BDNF: variants seen among roughly 807,000 people sequenced by gnomAD.
The protein encoded by BDNF is brain derived neurotrophic factor.
In BDNF, 1 loss-of-function variant was observed where a neutral mutation model predicts 19.5. The observed-to-expected ratio is 0.05, with a 90% CI of 0.02 to 0.24. BDNF has a LOEUF of 0.24. BDNF is among the 10% of genes least tolerant of loss of function. The pLI is 1.00. For missense variants in BDNF, 195 were observed against 317.6 expected, an observed-to-expected ratio of 0.61 and a Z score of 2.93; for synonymous variants, 100 against 121.6, an observed-to-expected ratio of 0.82 and a Z score of 1.17.
chr11:27,657,844 A>T lies in BDNF; in HGVS notation c.721T>A (p.Leu241Met). 5.0e-6 allele frequency: 8 copies of T among 1,614,154 alleles called. No individual in the cohort carries two copies. The highest frequency in any genetic ancestry group is 6.8e-6 in the Non-Finnish European group (8 of 1,179,978). The change falls in exon 2 of 2, where the codon TTG (leucine) becomes ATG (methionine). Residue 241 changes from leucine to methionine, a missense_variant. By Grantham distance (15) the Leu-to-Met change is conservative. Coordinates refer to ENST00000356660, the MANE Select transcript of BDNF (RefSeq NM_001709.5). This position sits in a 1 kb window ranked among gnomAD's most constrained non-coding sequence, Gnocchi z 5.0. ...CACTATCTTCCCCTTTTAATGGTCA[A>T]TGTACATACACAAGAAGTGTCTATC... The part of the protein sequence containing the change: ...IRIDTSCVCT[L>M]TIKRGR
In BDNF at chr11:27,700,421, G is replaced by GGCGGCA. The variant is rs1260549755; in HGVS notation, c.-285_-280dup. ...GCGGGCGGGTGCGCCCGGGCGCGGC[G>GGCGGCA]GCGGCAGCGTCGGGGACCCGGAGCT... On this transcript the variant is annotated 5_prime_UTR_variant, in exon 1 of 2. Transcript: ENST00000356660. 4.2e-5 allele frequency: 41 copies of GGCGGCA among 985,486 alleles called. No homozygotes were observed. The highest frequency in any genetic ancestry group is 1.0e-3 in the Middle Eastern group (2 of 1,936). The allele number at this position is 985,486 out of a possible 1,614,324, so 61.0% of individuals were successfully genotyped here. A position where few individuals can be genotyped will look rare whatever the true frequency, so the allele number is the denominator to read the frequency against.
At chr11:27,694,224 CA>C (rs1277989363) in intron 1 of BDNF, among the ~76,000 whole-genome samples, 1 of 152,150 alleles carries the variant, frequency 6.6e-6, no homozygotes, top group Non-Finnish European at 1.5e-5. Flanking sequence ...TCAACTTTAA[CA>C]TTTCATATAT....
In BDNF at chr11:27,655,575, C is replaced by G. The variant is rs1220900077; in HGVS notation, c.*2246G>C. 1 of 152,234 alleles carries G rather than the reference C, an allele frequency of 6.6e-6. No individual in the cohort carries two copies. Among genetic ancestry groups the G allele is most frequent in the African/African-American group, 2.4e-5 (1 of 41,462 alleles). 9.4% of individuals were successfully genotyped at this position (152,234 alleles called of 1,614,324 possible). ...TCAAACAACACAAAACAAATCTACA[C>G]TACGTAAAGTCTTCCTTCTTTCAAA... On this transcript the variant is annotated 3_prime_UTR_variant, in exon 2 of 2. Transcript: ENST00000356660.
intron 1 of BDNF, among the ~76,000 whole-genome samples, chr11:27,716,473 ACAC>A (rs1198272256): frequency 5.3e-5 from 8 of 151,652 alleles, no homozygotes; most frequent in Non-Finnish European, 2.9e-5. Flanking sequence ...ACACACACAC[ACAC>A]ACACACACAG....
chr11:27,698,050 A>G (rs1335959870), intron 1 of BDNF: 1 of 151,954 alleles, frequency 6.6e-6, no homozygotes, highest in Non-Finnish European at 1.5e-5. Context: ...ATTTACCAAC[A>G]TTTATCACAT....
chr11:27,700,114 C>A, intron 1 of BDNF, 50 bp downstream of exon 1: 1 of 986,176 alleles, frequency 1.0e-6, no homozygotes, highest in Non-Finnish European at 1.2e-6. Flanking sequence ...CAACTCTCTC[C>A]CGCGGACGGG....
chr11:27,686,192 G>A (rs1857454607), intron 1 of BDNF, among the ~76,000 whole-genome samples: 1 of 151,980 alleles, frequency 6.6e-6, no homozygotes, highest in South Asian at 2.1e-4. Flanking sequence ...TTTAAAGTCT[G>A]TTTTATCAGA....
intron 1 of BDNF, among the ~76,000 whole-genome samples, chr11:27,661,929 C>T (rs190644536): frequency 2.3e-4 from 35 of 152,320 alleles, no homozygotes; most frequent in Middle Eastern, 6.8e-3. Context: ...CTAATTACTC[C>T]AGCATACACT....
rs1464658898 is a variant in BDNF, at chr11:27,658,270, G to T, written c.295C>A (p.Gln99Lys). The change falls in exon 2 of 2, where the codon CAA becomes AAA. Residue 99 changes from glutamine (Q) to lysine (K), a missense_variant. By Grantham distance (53) the Gln-to-Lys change is moderately conservative (BLOSUM62 1). This residue lies in a region of BDNF where 124 missense variants were observed against 155.0 expected (regional missense o/e 0.80). Transcript: ENST00000356660. This position sits in a 1 kb window ranked among gnomAD's most constrained non-coding sequence, Gnocchi z 5.7. Reference protein sequence around the residue: ...LYTSRVMLSSQVPLEPPLLFL... With the variant: ...LYTSRVMLSSKVPLEPPLLFL... ...AGAAGAGGAGGCTCCAAAGGCACTT[G>T]ACTACTGAGCATCACCCTGGACGTG... 6.2e-7 allele frequency: 1 copy of T among 1,613,890 alleles called. No individual in the cohort carries two copies. Among genetic ancestry groups the T allele is most frequent in the African/African-American group, 1.3e-5 (1 of 74,902 alleles).
rs755151584 is a variant in BDNF, at chr11:27,658,242, A to T, written c.323T>A (p.Phe108Tyr). 4 of 1,613,846 alleles carry T rather than the reference A, an allele frequency of 2.5e-6. No individual in the cohort carries two copies. In the Admixed American group the frequency reaches 5.0e-5, roughly 20 times the overall value. Residue 108 changes from phenylalanine (F) to tyrosine (Y), a missense_variant, in exon 2 of 2, where the codon TTT (phenylalanine) becomes TAT (tyrosine). Phe to Tyr is a conservative substitution (Grantham distance 22). Transcript: ENST00000356660. This position sits in a 1 kb window ranked among gnomAD's most constrained non-coding sequence, Gnocchi z 5.7. Reference protein sequence around the residue: ...SQVPLEPPLLFLLEEYKNYLD... With the variant: ...SQVPLEPPLLYLLEEYKNYLD... The stretch of plus-strand genomic sequence containing the variant: ...GTAATTTTTGTATTCCTCCAGCAGA[A>T]AGAGAAGAGGAGGCTCCAAAGGCAC...
intron 1 of BDNF, among the ~76,000 whole-genome samples, chr11:27,671,948 G>A (rs1198921352): frequency 6.6e-6 from 1 of 152,150 alleles, no homozygotes; most frequent in Admixed American, 6.6e-5. Flanking sequence ...ATAAAAGGTT[G>A]AAGTTAACTT....
chr11:27,706,294 G>C (rs1263914599), intron 1 of BDNF, among the ~76,000 whole-genome samples: 1 of 152,218 alleles, frequency 6.6e-6, no homozygotes. Context: ...GATAGGTCCA[G>C]AAGGGATCTT....
At chr11:27,716,617 T>C (rs1860525356) in intron 1 of BDNF, among the ~76,000 whole-genome samples, 1 of 152,164 alleles carries the variant, frequency 6.6e-6, no homozygotes, top group African/African-American at 2.4e-5. Context: ...GCTGCAAAAA[T>C]AGATATTTTT....
intron 1 of BDNF, among the ~76,000 whole-genome samples, chr11:27,708,825 CTTTTT>C (rs67977614): frequency 8.9e-6 from 1 of 112,434 alleles, no homozygotes. Flanking sequence ...TAGAATTCCT[CTTTTT>C]TTTTTTTTTT....
chr11:27,671,308 A>T (rs570323901), intron 1 of BDNF, among the ~76,000 whole-genome samples: 67 of 117,990 alleles, frequency 5.7e-4, no homozygotes, highest in Admixed American at 4.0e-3. Context: ...AAGTATAATT[A>T]AAAAAAAAAA....
At chr11:27,718,933 G>T (rs1476338314) in intron 1 of BDNF, among the ~76,000 whole-genome samples, 1 of 152,064 alleles carries the variant, frequency 6.6e-6, no homozygotes, top group African/African-American at 2.4e-5. Context: ...AGTCCAGAAC[G>T]ACCAAACCCT....
chr11:27,717,860 AGT>A (rs56730757), intron 1 of BDNF, among the ~76,000 whole-genome samples: 33,661 of 147,128 alleles, frequency 0.23, 4,229 homozygotes, highest in East Asian at 0.51. Context: ...TTACAAGTTG[AGT>A]GTGTGTGTGT....
At chr11:27,720,248 C>A in intron 1 of BDNF, 2 of 867,616 alleles carry the variant, frequency 2.3e-6, no homozygotes, top group Non-Finnish European at 2.8e-6. Flanking sequence ...TCATGCTCTC[C>A]CTCTACCTCC....
chr11:27,697,874 GTGTC>G (rs1859305780), intron 1 of BDNF: 1 of 152,098 alleles, frequency 6.6e-6, no homozygotes, highest in Non-Finnish European at 1.5e-5. Flanking sequence ...ATGTCTAAGA[GTGTC>G]TGCAATGTTC....
Sources: gnomAD v4.1 joint callset for allele counts (sites outside exome capture counted in the v4.1 genomes callset) on GRCh38, gnomAD v4.1.1 for gene constraint, gnomAD v4.1.1 regional missense constraint, Gnocchi (gnomAD v3.1) non-coding constraint, MANE v1.5 for transcripts, NCBI Gene and HGNC (gene_info 2026-07-23, HGNC 2026-07-21) for gene names.